The following VPS35L variants were observed in gnomAD, a reference collection of about 807,000 sequenced individuals.
VPS35L encodes the protein VPS35 endosomal protein-sorting factor-like.
Under a neutral mutation model 133.0 loss-of-function variants are expected in VPS35L, and 83 were observed. The observed-to-expected ratio is 0.62, with a 90% CI of 0.52 to 0.75. The LOEUF is 0.75. VPS35L is among the 30% of genes least tolerant of loss of function. VPS35L has a pLI of 0.00. For synonymous variants in VPS35L, 423 were observed against 449.9 expected, an observed-to-expected ratio of 0.94 and a Z score of 0.76; for missense variants, 1,083 against 1,206.8, an observed-to-expected ratio of 0.90 and a Z score of 1.52.
intron 8 of VPS35L, among the ~76,000 whole-genome samples, chr16:19,599,126 G>C (rs557934489): frequency 6.6e-6 from 1 of 152,344 alleles, no homozygotes; most frequent in African/African-American, 2.4e-5. Context: ...GAGAACTGGG[G>C]CTTGTTCTCT....
At chr16:19,600,921 G>A (rs1049125466) in intron 8 of VPS35L, among the ~76,000 whole-genome samples, 9 of 152,090 alleles carry the variant, frequency 5.9e-5, no homozygotes, top group African/African-American at 2.2e-4. Flanking sequence ...CTCCCAAGTT[G>A]TAGAGTTTGT....
intron 8 of VPS35L, among the ~76,000 whole-genome samples, chr16:19,594,644 C>CAAAAAAAAAAAAAAAAAAA (rs57187565): frequency 3.2e-5 from 1 of 31,494 alleles, no homozygotes; most frequent in African/African-American, 1.1e-4. Flanking sequence ...GATTTCGTCT[C>CAAAAAAAAAAAAAAAAAAA]AAAAAAAAAA....
At position 19,647,859 on chromosome 16, in the gene VPS35L, C is replaced by T. The variant is rs769889652; in HGVS notation, c.2005C>T (p.Pro669Ser). Residue 669 changes from proline to serine, a missense_variant, in exon 24 of 31, where the codon CCT (proline) becomes TCT (serine). Transcript: ENST00000417362. ...ESRSMFCNLEPVLVQLIHSVN... is the reference protein window; with the variant it reads ...ESRSMFCNLESVLVQLIHSVN... ...CAGGTCGATGTTTTGCAATCTGGAGCCTGTTCTTGTGCAGTTGATTCATGT... is the reference window on the plus strand; with the variant it reads ...CAGGTCGATGTTTTGCAATCTGGAGTCTGTTCTTGTGCAGTTGATTCATGT... 2 of 1,613,790 alleles carry T rather than the reference C, an allele frequency of 1.2e-6. No homozygotes were observed. The highest frequency in any genetic ancestry group is 1.7e-6 in the Non-Finnish European group (2 of 1,179,798).
Position 19,700,664 on chromosome 16 carries a change from C to T in VPS35L, c.*188C>T, listed in dbSNP as rs1597453762. On this transcript the variant is annotated 3_prime_UTR_variant, in exon 31 of 31. Coordinates refer to ENST00000417362, the MANE Select transcript of VPS35L (RefSeq NM_020314.7). Reference sequence around the variant, plus strand: ...AATGAAGAAATGGGAGTTGTCAGAGCATTAAAATGCAATCTTCACTAAGAA... The same window carrying T: ...AATGAAGAAATGGGAGTTGTCAGAGTATTAAAATGCAATCTTCACTAAGAA... The T allele has an allele frequency of 1.8e-6, 1 of 569,784 alleles. No individual in the cohort carries two copies. The highest frequency in any genetic ancestry group is 3.1e-6 in the Non-Finnish European group (1 of 321,004). The allele number at this position is 569,784 out of a possible 1,614,324, so 35.3% of individuals were successfully genotyped here.
At position 19,647,807 on chromosome 16, in the gene VPS35L, A is replaced by G; in HGVS notation, c.1953A>G (p.Glu651=). 1.2e-6 allele frequency: 2 copies of G among 1,614,040 alleles called. No homozygotes were observed. Among genetic ancestry groups the G allele is most frequent in the Non-Finnish European group, 1.7e-6 (2 of 1,179,998 alleles). The change falls in exon 24 of 31, where the codon GAA becomes GAG. Residue 651 remains glutamate (E), a synonymous_variant. Coordinates refer to ENST00000417362, the MANE Select transcript of VPS35L (RefSeq NM_020314.7). Reference sequence around the variant, plus strand: ...AGGTTTCCTTTGGCCGTGATTTTGAACAACAGCTGAGTTTTTATGTTGAGT... The same window carrying G: ...AGGTTTCCTTTGGCCGTGATTTTGAGCAACAGCTGAGTTTTTATGTTGAGT... ...IKMVSFGRDF[E]QQLSFYVESR...
chr16:19,561,166 G>A (rs900322007), intron 1 of VPS35L, among the ~76,000 whole-genome samples: 1 of 152,038 alleles, frequency 6.6e-6, no homozygotes, highest in Non-Finnish European at 1.5e-5. Flanking sequence ...TCGGGAGATC[G>A]AGACCATCCT....
chr16:19,621,178 TA>T (rs1225419657), intron 14 of VPS35L, among the ~76,000 whole-genome samples: 1 of 152,168 alleles, frequency 6.6e-6, no homozygotes, highest in Non-Finnish European at 1.5e-5. Context: ...ACCCAGTATT[TA>T]TAAGAGTATC....
intron 8 of VPS35L, among the ~76,000 whole-genome samples, chr16:19,592,512 T>C (rs567976002): frequency 6.6e-6 from 1 of 152,156 alleles, no homozygotes; most frequent in East Asian, 1.9e-4. Context: ...TTCCCAGCCC[T>C]TTCTCTTTTC....
At chr16:19,592,827 A>G (rs1281364251) in intron 8 of VPS35L, among the ~76,000 whole-genome samples, 1 of 151,798 alleles carries the variant, frequency 6.6e-6, no homozygotes, top group Non-Finnish European at 1.5e-5. Flanking sequence ...CTGGGATTAC[A>G]GGCACGCACC....
At chr16:19,606,105 T>C (rs190982283) in intron 9 of VPS35L, among the ~76,000 whole-genome samples, 11 of 152,370 alleles carry the variant, frequency 7.2e-5, no homozygotes, top group Admixed American at 6.5e-4. Context: ...GATTGTCGTA[T>C]AGCTTGTAGT....
Position 19,652,147 on chromosome 16 carries a change from C to T in VPS35L, c.2221+57C>T, listed in dbSNP as rs527881834. On this transcript the variant is annotated intron_variant, in intron 26 of 30. Coordinates refer to ENST00000417362, the MANE Select transcript of VPS35L (RefSeq NM_020314.7). ...CCCTTGCTGCTTAGGAAAACTGACT[C>T]AGGTGTGTGCGTATGTGTGTAGAGA... 3.6e-3 allele frequency: 4,394 copies of T among 1,207,432 alleles called. 13 individuals are homozygous for T. Among genetic ancestry groups the T allele is most frequent in the Non-Finnish European group, 4.8e-3 (4,009 of 831,632 alleles). The allele number at this position is 1,207,432 out of a possible 1,614,324, so 74.8% of individuals were successfully genotyped here. A position where few individuals can be genotyped will look rare whatever the true frequency, so the allele number is the denominator to read the frequency against.
intron 14 of VPS35L, among the ~76,000 whole-genome samples, chr16:19,624,034 G>C (rs1973176660): frequency 6.7e-6 from 1 of 149,512 alleles, no homozygotes; most frequent in Non-Finnish European, 1.5e-5. Flanking sequence ...GAACTCCTAA[G>C]GTCAAGCCAT....
rs147497914 is a variant in VPS35L, at chr16:19,692,338, T to C, written c.2646+867T>C. 1.5e-3 allele frequency among the ~76,000 whole-genome samples: 226 copies of C among 152,312 alleles called. 1 individual carries two copies. Among genetic ancestry groups the C allele is most frequent in the Non-Finnish European group, 2.8e-3 (191 of 68,004 alleles). On this transcript the variant is annotated intron_variant, in intron 29 of 30. Coordinates refer to ENST00000417362, the MANE Select transcript of VPS35L (RefSeq NM_020314.7). ...AATCCCTGATAGCGTGGGATTGCTATACCTGGGCTCTTTCAGTGCCCACAA... is the reference window on the plus strand; with the variant it reads ...AATCCCTGATAGCGTGGGATTGCTACACCTGGGCTCTTTCAGTGCCCACAA...
Position 19,677,032 on chromosome 16 carries a change from C to A in VPS35L, c.2362-5193C>A, listed in dbSNP as rs147406853. Among the ~76,000 whole-genome samples, 358 of 151,734 alleles carry A rather than the reference C, an allele frequency of 2.4e-3. 2 individuals are homozygous for A. The highest frequency in any genetic ancestry group is 7.9e-3 in the African/African-American group (329 of 41,404). ...TTCGAGACCAGCCTGGGCAACATAG[C>A]AAGACCTCATCTCAAAAGAAAAAGT... On this transcript the variant is annotated intron_variant, in intron 27 of 30. Coordinates refer to ENST00000417362, the MANE Select transcript of VPS35L (RefSeq NM_020314.7).
chr16:19,564,813 C>A, intron 1 of VPS35L, 38 bp from the exon 2 acceptor site: 1 of 1,432,588 alleles, frequency 7.0e-7, no homozygotes, highest in South Asian at 1.2e-5. Flanking sequence ...TTTTAAGTAC[C>A]CCCATCCACT....
Position 19,628,734 on chromosome 16 carries a change from C to G in VPS35L, c.1481C>G (p.Thr494Ser). ...QILNEAWKVI[T>S]KLKNPQDYIN... Reference sequence around the variant, plus strand: ...CTCAACGAAGCTTGGAAAGTCATCACTAAGCTGAAGAACCCACAGGTGAGT... The same window carrying G: ...CTCAACGAAGCTTGGAAAGTCATCAGTAAGCTGAAGAACCCACAGGTGAGT... The change falls in exon 17 of 31, where the codon ACT becomes AGT. Residue 494 changes from threonine (T) to serine (S), a missense_variant. Transcript: ENST00000417362. 1 of 1,572,660 alleles carries G rather than the reference C, an allele frequency of 6.4e-7. No homozygotes were observed. Among genetic ancestry groups the G allele is most frequent in the Non-Finnish European group, 8.7e-7 (1 of 1,151,028 alleles).
At chr16:19,570,856 T>C (rs1971346150) in intron 3 of VPS35L, among the ~76,000 whole-genome samples, 1 of 43,868 alleles carries the variant, frequency 2.3e-5, no homozygotes, top group Non-Finnish European at 3.6e-5. Flanking sequence ...TATATATATA[T>C]ATATATATAT....
At chr16:19,569,986 G>T (rs942340384) in intron 3 of VPS35L, among the ~76,000 whole-genome samples, 1 of 152,068 alleles carries the variant, frequency 6.6e-6, no homozygotes, top group African/African-American at 2.4e-5. Context: ...CTTCTGGTCA[G>T]GTCATCCTGA....
chr16:19,692,169 C>A (rs549181423), intron 29 of VPS35L, among the ~76,000 whole-genome samples: 1 of 152,152 alleles, frequency 6.6e-6, no homozygotes, highest in East Asian at 1.9e-4. Flanking sequence ...AGCCACTGCA[C>A]CCGGCCTGGA....
Sources: allele counts gnomAD v4.1 joint callset (sites outside exome capture counted in the v4.1 genomes callset), GRCh38; gene constraint gnomAD v4.1.1; transcripts MANE v1.5; gene names NCBI Gene and HGNC (gene_info 2026-07-23, HGNC 2026-07-21).